GPSM2: variants seen among roughly 807,000 people sequenced by gnomAD.
The protein encoded by GPSM2 is G protein-signaling modulator 2.
GPSM2 carries 58 observed loss-of-function variants against 78.4 expected under a neutral mutation model. The observed-to-expected ratio is 0.74, with a 90% CI of 0.60 to 0.92. The LOEUF is 0.92. GPSM2 is among the 40% of genes least tolerant of loss of function. The pLI is 0.00. For missense variants in GPSM2, 700 were observed against 815.5 expected (o/e 0.86, Z 1.73); for synonymous variants, 224 against 280.2 (o/e 0.80, Z 2.00).
At chr1:108,929,430 T>C (rs1195375551) in intron 14 of GPSM2, 2 of 461,648 alleles carry the variant, frequency 4.3e-6, no homozygotes, top group African/African-American at 3.9e-5. Flanking sequence ...CAGTATGACT[T>C]AACATAATGC....
chr1:108,909,051 A>C (rs1649497042), intron 10 of GPSM2, among the ~76,000 whole-genome samples: 1 of 152,140 alleles, frequency 6.6e-6, no homozygotes, highest in African/African-American at 2.4e-5. Flanking sequence ...AGGTGGGAGG[A>C]TCACTTGAGC....
At chr1:108,897,763 A>G in intron 4 of GPSM2, 136 bp downstream of exon 4, 1 of 973,470 alleles carries the variant, frequency 1.0e-6, no homozygotes, top group Non-Finnish European at 1.5e-6. Context: ...AATAGAAGTA[A>G]AAGAAAAAAA....
Position 108,877,061 on chromosome 1 carries a change from G to C in GPSM2, c.-416G>C, listed in dbSNP as rs1001094608. ...GGAGGGACGCTCCGGGAAAGCGAGG[G>C]GCGCTACGAGCTCTGGCCCACGTGA... is the stretch of plus-strand genomic sequence containing the variant. On this transcript the variant is annotated 5_prime_UTR_variant, in exon 1 of 15. Transcript: ENST00000264126. The C allele has an allele frequency of 2.0e-5, 3 of 152,330 alleles. No homozygotes were observed. Among genetic ancestry groups the C allele is most frequent in the African/African-American group, 7.2e-5 (3 of 41,452 alleles). 9.4% of individuals were successfully genotyped at this position (152,330 alleles called of 1,614,324 possible). A position where few individuals can be genotyped will look rare whatever the true frequency, so the allele number is the denominator to read the frequency against.
intron 12 of GPSM2, among the ~76,000 whole-genome samples, chr1:108,921,531 C>A (rs1650709826): frequency 6.6e-6 from 1 of 152,174 alleles, no homozygotes; most frequent in Admixed American, 6.5e-5. Flanking sequence ...CTAAACAAAA[C>A]TGCTTAAAAT....
At chr1:108,926,250 TAAATC>T (rs1203069970) in intron 14 of GPSM2, 5 of 152,196 alleles carry the variant, frequency 3.3e-5, no homozygotes, top group African/African-American at 1.2e-4. Context: ...GGCACAGAGA[TAAATC>T]AAGACTGCTA....
intron 11 of GPSM2, among the ~76,000 whole-genome samples, chr1:108,916,383 C>A (rs1650234298): frequency 6.6e-6 from 1 of 152,102 alleles, no homozygotes; most frequent in Non-Finnish European, 1.5e-5. Flanking sequence ...CTTCAAAAAA[C>A]CAAAATCTAA....
In GPSM2 at chr1:108,898,027, C is replaced by T. The variant is rs563964856; in HGVS notation, c.483C>T (p.Cys161=). The change falls in exon 5 of 15, where the codon TGC becomes TGT. Residue 161 remains cysteine (C), a synonymous_variant. Coordinates refer to ENST00000264126, the MANE Select transcript of GPSM2 (RefSeq NM_013296.5). The part of the protein sequence containing the change: ...VYHAKGKSFG[C]PGPQDVGEFP... ...ATGCCAAAGGGAAAAGTTTTGGTTG[C>T]CCTGGTCCCCAGGATGTAGGAGAAT... 2 of 1,613,734 alleles carry T rather than the reference C, an allele frequency of 1.2e-6. No individual in the cohort carries two copies. The highest frequency in any genetic ancestry group is 1.7e-4 in the Middle Eastern group (1 of 6,052).
intron 1 of GPSM2, among the ~76,000 whole-genome samples, chr1:108,881,769 G>A (rs1300996769): frequency 5.3e-5 from 8 of 152,076 alleles, no homozygotes; most frequent in African/African-American, 1.9e-4. Context: ...CTTAGAAATG[G>A]TTCTTTCTAC....
intron 2 of GPSM2, among the ~76,000 whole-genome samples, chr1:108,890,183 G>A (rs1647871943): frequency 6.6e-6 from 1 of 152,032 alleles, no homozygotes. Flanking sequence ...CTGTTTTTAT[G>A]GTGCTCCCTT....
At chr1:108,881,164 G>T (rs1268441012) in intron 1 of GPSM2, among the ~76,000 whole-genome samples, 1 of 152,152 alleles carries the variant, frequency 6.6e-6, no homozygotes, top group African/African-American at 2.4e-5. Flanking sequence ...CAATTCCCGG[G>T]ATATGGAAAA....
chr1:108,895,340 G>A lies in GPSM2; in HGVS notation c.57-1524G>A, dbSNP rs183266736. Reference sequence around the variant, plus strand: ...GAGCTTAATCAGAGCTTCTCAAAGAGTGATATGTATGCCACTGGTGGTACA... The same window carrying A: ...GAGCTTAATCAGAGCTTCTCAAAGAATGATATGTATGCCACTGGTGGTACA... On this transcript the variant is annotated intron_variant, in intron 2 of 14. Transcript: ENST00000264126. 1.7e-3 allele frequency among the ~76,000 whole-genome samples: 263 copies of A among 152,358 alleles called. 1 individual carries two copies. Among genetic ancestry groups the A allele is most frequent in the African/African-American group, 6.2e-3 (258 of 41,584 alleles).
intron 10 of GPSM2, among the ~76,000 whole-genome samples, chr1:108,910,507 T>C (rs11102632): frequency 0.15 from 23,266 of 152,170 alleles, 1,926 homozygotes; most frequent in African/African-American, 0.21. Context: ...CAGCCTTACT[T>C]GTGAACATAA....
In GPSM2 at chr1:108,931,626, G is replaced by T; in HGVS notation, c.*1686G>T. 20 of 1,025,136 alleles carry T rather than the reference G, an allele frequency of 2.0e-5. No individual in the cohort carries two copies. The highest frequency in any genetic ancestry group is 4.8e-5 in the African/African-American group (2 of 41,682). 63.5% of individuals were successfully genotyped at this position (1,025,136 alleles called of 1,614,324 possible). ...TGGAATTAATTACATTAAGTGCTCA[G>T]CTAAAAAAAAAAAAAAAGTTCTAAA... On this transcript the variant is annotated 3_prime_UTR_variant, in exon 15 of 15. Transcript: ENST00000264126.
At chr1:108,900,962 T>G (rs1318456356) in intron 7 of GPSM2, among the ~76,000 whole-genome samples, 1 of 152,262 alleles carries the variant, frequency 6.6e-6, no homozygotes, top group Non-Finnish European at 1.5e-5. Context: ...TTTAAATTAC[T>G]GAATCCAAAA....
At chr1:108,904,051 A>C in intron 9 of GPSM2, 74 bp from the exon 10 acceptor site, 1 of 996,994 alleles carries the variant, frequency 1.0e-6, no homozygotes. Context: ...TTTTAGGTTC[A>C]CTACATTTAC....
At position 108,885,587 on chromosome 1, in the gene GPSM2, A is replaced by G. The variant is rs753458416; in HGVS notation, c.56+9A>G. The stretch of plus-strand genomic sequence containing the variant: ...TTTCATGTTCGTTACAGGTAAGACT[A>G]TTGCTGTCTTAATGGATGACTTTTA... On this transcript the variant is annotated intron_variant, in intron 2 of 14. Coordinates refer to ENST00000264126, the MANE Select transcript of GPSM2 (RefSeq NM_013296.5). 5 of 1,514,502 alleles carry G rather than the reference A, an allele frequency of 3.3e-6. No homozygotes were observed. The highest frequency in any genetic ancestry group is 2.8e-6 in the Non-Finnish European group (3 of 1,089,300). The allele number at this position is 1,514,502 out of a possible 1,614,324, so 93.8% of individuals were successfully genotyped here. A position where few individuals can be genotyped will look rare whatever the true frequency, so the allele number is the denominator to read the frequency against.
chr1:108,918,919 C>A, intron 12 of GPSM2, 130 bp downstream of exon 12: 1 of 668,980 alleles, frequency 1.5e-6, no homozygotes, highest in Admixed American at 2.6e-5. Flanking sequence ...TCATATTTCC[C>A]TATCTTTTCT....
At position 108,897,640 on chromosome 1, in the gene GPSM2, C is replaced by A. The variant is rs1377589258; in HGVS notation, c.414+13C>A. 1 of 1,609,186 alleles carries A rather than the reference C, an allele frequency of 6.2e-7. No individual in the cohort carries two copies. Among genetic ancestry groups the A allele is most frequent in the Non-Finnish European group, 8.5e-7 (1 of 1,175,942 alleles). On this transcript the variant is annotated intron_variant, in intron 4 of 14. Transcript: ENST00000264126. Reference sequence around the variant, plus strand: ...GCTTAATGACAAGGTAATACCGCAGCATTAGATGGTAGGCCTAATATTTTC... The same window carrying A: ...GCTTAATGACAAGGTAATACCGCAGAATTAGATGGTAGGCCTAATATTTTC...
intron 12 of GPSM2, among the ~76,000 whole-genome samples, chr1:108,921,611 G>T (rs1323891042): frequency 6.6e-6 from 1 of 152,088 alleles, no homozygotes; most frequent in African/African-American, 2.4e-5. Flanking sequence ...GAATACAAAG[G>T]CCTCTTCCCT....
Sources: allele counts gnomAD v4.1 joint callset (sites outside exome capture counted in the v4.1 genomes callset), GRCh38; gene constraint gnomAD v4.1.1; transcripts MANE v1.5; gene names NCBI Gene and HGNC (gene_info 2026-07-23, HGNC 2026-07-21).